The following FAT4 variants were observed in gnomAD, a reference collection of about 807,000 sequenced individuals.
FAT4 encodes the protein protocadherin Fat 4.
FAT4 carries 84 observed loss-of-function variants against 303.9 expected under a neutral mutation model. That is an observed-to-expected ratio of 0.28 (90% CI 0.23 to 0.33). The LOEUF is 0.33. Among genes scored for constraint, FAT4 ranks in the 10% least tolerant of loss-of-function variants. The pLI is 1.00. For synonymous variants in FAT4, 2,307 were observed against 2,298.8 expected (o/e 1.00, Z -0.10); for missense variants, 6,005 against 6,146.8 (o/e 0.98, Z 0.77).
intron 2 of FAT4, among the ~76,000 whole-genome samples, chr4:125,349,693 T>C (rs964308772): frequency 3.3e-5 from 5 of 151,758 alleles, no homozygotes; most frequent in Non-Finnish European, 7.4e-5. Flanking sequence ...ATTTGGACTA[T>C]AATAATGAAT....
intron 2 of FAT4, among the ~76,000 whole-genome samples, chr4:125,396,963 T>C (rs1326485294): frequency 2.0e-5 from 2 of 99,492 alleles, no homozygotes; most frequent in Admixed American, 2.1e-4. Context: ...TATATATATA[T>C]ATAAAATATG....
Position 125,316,303 on chromosome 4 carries a change from C to A in FAT4, c.-12-97C>A. ...TCTTTGAAATAGCAGAGGTCTCAGACCAAGCCGTCAGCTGAATCTTTGCTG... is the reference window on the plus strand; with the variant it reads ...TCTTTGAAATAGCAGAGGTCTCAGAACAAGCCGTCAGCTGAATCTTTGCTG... On this transcript the variant is annotated intron_variant, in intron 1 of 17. Coordinates refer to ENST00000394329, the MANE Select transcript of FAT4 (RefSeq NM_001291303.3). This position sits in a 1 kb window ranked among gnomAD's most constrained non-coding sequence, Gnocchi z 5.7. 2.8e-6 allele frequency: 4 copies of A among 1,437,462 alleles called. No individual in the cohort carries two copies. Among genetic ancestry groups the A allele is most frequent in the Non-Finnish European group, 3.7e-6 (4 of 1,075,924 alleles). The allele number at this position is 1,437,462 out of a possible 1,614,324, so 89.0% of individuals were successfully genotyped here. A position where few individuals can be genotyped will look rare whatever the true frequency, so the allele number is the denominator to read the frequency against.
chr4:125,485,012 C>A (rs563788183), intron 16 of FAT4, among the ~76,000 whole-genome samples: 3 of 151,984 alleles, frequency 2.0e-5, no homozygotes, highest in African/African-American at 7.2e-5. Flanking sequence ...GTAACCATGC[C>A]GGGCTAACTT....
At chr4:125,417,829 G>A (rs1320945586) in intron 7 of FAT4, among the ~76,000 whole-genome samples, 2 of 152,122 alleles carry the variant, frequency 1.3e-5, no homozygotes, top group Non-Finnish European at 2.9e-5. Context: ...AAATAGACTG[G>A]CATTTCTGAG....
chr4:125,406,222 C>T (rs974121756), intron 3 of FAT4, among the ~76,000 whole-genome samples: 1 of 151,938 alleles, frequency 6.6e-6, no homozygotes, highest in Admixed American at 6.6e-5. Context: ...TATGGATATC[C>T]AGTTTTCCCA....
intron 16 of FAT4, among the ~76,000 whole-genome samples, chr4:125,485,033 T>G (rs1402038697): frequency 6.6e-6 from 1 of 152,000 alleles, no homozygotes; most frequent in Non-Finnish European, 1.5e-5. Context: ...TTGTATTTTT[T>G]TGTAGGGATG....
At chr4:125,331,026 T>A (rs1451728147) in intron 2 of FAT4, among the ~76,000 whole-genome samples, 1 of 152,112 alleles carries the variant, frequency 6.6e-6, no homozygotes. Flanking sequence ...TTCCTCACTT[T>A]CCCCACATCA....
chr4:125,440,966 A>C (rs1208903544), intron 8 of FAT4, among the ~76,000 whole-genome samples: 1 of 152,124 alleles, frequency 6.6e-6, no homozygotes, highest in Non-Finnish European at 1.5e-5. Context: ...TGCATCTGGC[A>C]CCCATTCTTT....
intron 11 of FAT4, among the ~76,000 whole-genome samples, chr4:125,467,569 G>A (rs970980095): frequency 6.6e-6 from 1 of 152,192 alleles, no homozygotes; most frequent in Admixed American, 6.5e-5. Context: ...AAATGGGAAT[G>A]CTGACTTTCA....
chr4:125,484,049 A>C (rs1432138636), intron 16 of FAT4, among the ~76,000 whole-genome samples: 5 of 94,662 alleles, frequency 5.3e-5, no homozygotes, highest in African/African-American at 1.6e-4. Flanking sequence ...CTCTCTCTCT[A>C]CAGACACACA....
At chr4:125,452,880 T>G in intron 10 of FAT4, 70 bp downstream of exon 10, 1 of 1,483,872 alleles carries the variant, frequency 6.7e-7, no homozygotes. Context: ...GAAATAATTT[T>G]ATCATTTTCC....
intron 2 of FAT4, among the ~76,000 whole-genome samples, chr4:125,380,167 A>T (rs571557892): frequency 5.9e-4 from 90 of 152,302 alleles, no homozygotes; most frequent in African/African-American, 2.1e-3. Context: ...TGCTGGGATT[A>T]CAGGCGTGAG....
chr4:125,454,920 A>G (rs936843421), intron 10 of FAT4, among the ~76,000 whole-genome samples: 3 of 152,214 alleles, frequency 2.0e-5, no homozygotes, highest in Non-Finnish European at 2.9e-5. Flanking sequence ...TGGTATTAGT[A>G]TAGTGGTAGT....
chr4:125,468,888 C>A, intron 12 of FAT4, 69 bp downstream of exon 12: 1 of 1,448,422 alleles, frequency 6.9e-7, no homozygotes, highest in Non-Finnish European at 9.4e-7. Context: ...AATTGGGGTG[C>A]AAATCATGTT....
Position 125,400,582 on chromosome 4 carries a change from T to C in FAT4, c.5307+1667T>C, listed in dbSNP as rs142303018. On this transcript the variant is annotated intron_variant, in intron 3 of 17. Coordinates refer to ENST00000394329, the MANE Select transcript of FAT4 (RefSeq NM_001291303.3). ...CACACTTGCATTGCCTCCAAGTTCA[T>C]CTTTTAAGCTATGTTTACCTTTATG... Among the ~76,000 whole-genome samples the C allele has an allele frequency of 3.9e-5, 6 of 152,084 alleles. No individual in the cohort carries two copies. In the East Asian group the frequency reaches 1.2e-3, roughly 29 times the overall value.
intron 3 of FAT4, among the ~76,000 whole-genome samples, chr4:125,399,452 A>T (rs1734302477): frequency 6.6e-6 from 1 of 152,050 alleles, no homozygotes; most frequent in Non-Finnish European, 1.5e-5. Flanking sequence ...TTTTCTCTTT[A>T]CTGGGTAAGG....
intron 8 of FAT4, among the ~76,000 whole-genome samples, chr4:125,442,394 T>C (rs943418926): frequency 6.6e-6 from 1 of 152,176 alleles, no homozygotes; most frequent in Non-Finnish European, 1.5e-5. Flanking sequence ...ACCGTGTCTC[T>C]GTTTTGAATT....
intron 2 of FAT4, among the ~76,000 whole-genome samples, chr4:125,358,043 A>T (rs1732505912): frequency 6.6e-6 from 1 of 152,126 alleles, no homozygotes; most frequent in African/African-American, 2.4e-5. Context: ...TAAGTAAGCC[A>T]GCTTGGGCGG....
At chr4:125,468,449 T>C in intron 11 of FAT4, 63 bp from the exon 12 acceptor site, 1 of 1,165,414 alleles carries the variant, frequency 8.6e-7, no homozygotes, top group Non-Finnish European at 1.1e-6. Flanking sequence ...AATATTTTAA[T>C]CAAAATATAT....
Sources: allele counts gnomAD v4.1 joint callset (sites outside exome capture counted in the v4.1 genomes callset), GRCh38; gene constraint gnomAD v4.1.1; non-coding constraint Gnocchi (gnomAD v3.1); transcripts MANE v1.5; gene names NCBI Gene and HGNC (gene_info 2026-07-23, HGNC 2026-07-21).